The following IL17RE variants were observed in gnomAD, a reference collection of about 807,000 sequenced individuals.
IL17RE encodes interleukin-17 receptor E.
IL17RE carries 47 observed loss-of-function variants against 70.7 expected under a neutral mutation model. That is an observed-to-expected ratio of 0.67 (90% CI 0.53 to 0.85). IL17RE has a LOEUF of 0.85. Among genes scored for constraint, IL17RE ranks in the 40% least tolerant of loss-of-function variants. The probability of loss-of-function intolerance (pLI) is 0.00; values close to 1 mark genes in which losing one functional copy is unlikely to be tolerated. For synonymous variants in IL17RE, 372 were observed against 381.2 expected, an observed-to-expected ratio of 0.98 and a Z score of 0.28; for missense variants, 850 against 893.9, an observed-to-expected ratio of 0.95 and a Z score of 0.63.
intron 8 of IL17RE, 123 bp from the exon 9 acceptor site, chr3:9,910,742 T>G: frequency 1.3e-6 from 1 of 752,658 alleles, no homozygotes; most frequent in Non-Finnish European, 2.2e-6. Flanking sequence ...TAGTACCTGT[T>G]CTGGCCAGGA....
chr3:9,913,692 C>A (rs2082945581), intron 12 of IL17RE, among the ~76,000 whole-genome samples: 1 of 152,242 alleles, frequency 6.6e-6, no homozygotes, highest in Non-Finnish European at 1.5e-5. Context: ...TCCGCACCCG[C>A]CTTCTTTCCT....
Position 9,915,481 on chromosome 3 carries a change from A to G in IL17RE, c.1678A>G (p.Ser560Gly). Residue 560 changes from serine to glycine, a missense_variant, in exon 16 of 16, where the codon AGC becomes GGC. Coordinates refer to ENST00000383814, the MANE Select transcript of IL17RE (RefSeq NM_153480.2). This position sits in a 1 kb window ranked among gnomAD's most constrained non-coding sequence, Gnocchi z 4.9. ...REQGTVLLLW[S>G]GADLRPVSGP... ...GCAGGGCACTGTGCTGCTGCTGTGG[A>G]GCGGCGCCGACCTTCGCCCGGTCAG... 7.5e-7 allele frequency: 1 copy of G among 1,326,156 alleles called. No individual in the cohort carries two copies. The highest frequency in any genetic ancestry group is 2.1e-5 in the South Asian group (1 of 47,442). The allele number at this position is 1,326,156 out of a possible 1,614,324, so 82.1% of individuals were successfully genotyped here. A position where few individuals can be genotyped will look rare whatever the true frequency, so the allele number is the denominator to read the frequency against.
chr3:9,914,942 A>G (rs572479692), intron 15 of IL17RE, among the ~76,000 whole-genome samples, 165 bp downstream of exon 15: 4 of 152,192 alleles, frequency 2.6e-5, no homozygotes, highest in Non-Finnish European at 5.9e-5. Flanking sequence ...GGCAAGGCAA[A>G]GGGCCCTCTG....
intron 7 of IL17RE, 87 bp downstream of exon 7, chr3:9,908,394 A>C: frequency 8.5e-7 from 1 of 1,172,728 alleles, no homozygotes; most frequent in Non-Finnish European, 1.3e-6. Context: ...TCTCCAGTAA[A>C]TTGGGTTTAA....
chr3:9,909,808 AG>A (rs2125084264), intron 8 of IL17RE: 1 of 154,206 alleles, frequency 6.5e-6, no homozygotes, highest in African/African-American at 2.4e-5. Context: ...CTTACAGGGC[AG>A]GGTTATGGTT....
At position 9,915,956 on chromosome 3, in the gene IL17RE, A is replaced by C; in HGVS notation, c.*149A>C. 7.7e-7 allele frequency: 1 copy of C among 1,301,608 alleles called. No individual in the cohort carries two copies. The allele number at this position is 1,301,608 out of a possible 1,614,324, so 80.6% of individuals were successfully genotyped here. A position where few individuals can be genotyped will look rare whatever the true frequency, so the allele number is the denominator to read the frequency against. ...CGCATTCCCTGCCTCACAGGCCGGA[A>C]GTCCCAGCCCAGTCCCCGCGCGCGT... On this transcript the variant is annotated 3_prime_UTR_variant, in exon 16 of 16. Coordinates refer to ENST00000383814, the MANE Select transcript of IL17RE (RefSeq NM_153480.2). This position sits in a 1 kb window ranked among gnomAD's most constrained non-coding sequence, Gnocchi z 4.9.
chr3:9,902,706 G>A (rs915311478), upstream of IL17RE: 48 of 1,535,642 alleles, frequency 3.1e-5, no homozygotes, highest in Non-Finnish European at 3.9e-5. Context: ...GGGGGCAGTA[G>A]GGTTTTTGGG....
rs776268776 is a variant in IL17RE at position 9,911,426 on chromosome 3, C to T, written c.1073-17C>T. On this transcript the variant is annotated splice_polypyrimidine_tract_variant and intron_variant, in intron 11 of 15. Transcript: ENST00000383814. ...AAAGCCCAACTCCTATCAACACCCC[C>T]ACCCCGCCCCAAACAGGGTCTCTCA... 8 of 1,613,606 alleles carry T rather than the reference C, an allele frequency of 5.0e-6. No homozygotes were observed. The East Asian group carries it at 1.6e-4, about 31-fold the overall frequency.
intron 7 of IL17RE, among the ~76,000 whole-genome samples, chr3:9,908,959 C>T (rs2082824042): frequency 6.6e-6 from 1 of 152,086 alleles, no homozygotes; most frequent in Non-Finnish European, 1.5e-5. Flanking sequence ...AATGCGACCT[C>T]AGGATTTCCT....
chr3:9,911,333 C>T (rs755053911), intron 11 of IL17RE, 33 bp downstream of exon 11: 2 of 1,613,868 alleles, frequency 1.2e-6, no homozygotes, highest in South Asian at 1.1e-5. Flanking sequence ...CTGGGACCCC[C>T]TGCCCCATTT....
chr3:9,902,694 T>G, upstream of IL17RE: 1 of 1,535,824 alleles, frequency 6.5e-7, no homozygotes, highest in Non-Finnish European at 8.7e-7. Flanking sequence ...GTCTTTCAGG[T>G]GGGGGGCAGT....
chr3:9,915,836 T>C lies in IL17RE; in HGVS notation c.*29T>C. On this transcript the variant is annotated 3_prime_UTR_variant, in exon 16 of 16. Coordinates refer to ENST00000383814, the MANE Select transcript of IL17RE (RefSeq NM_153480.2). This position sits in a 1 kb window ranked among gnomAD's most constrained non-coding sequence, Gnocchi z 4.9. ...GAGCTCCACCGCAGTCCCGGGTGTC[T>C]GCGGCCGCAACGCAACGGACACTGG... 1 of 1,474,992 alleles carries C rather than the reference T, an allele frequency of 6.8e-7. No individual in the cohort carries two copies. Among genetic ancestry groups the C allele is most frequent in the Non-Finnish European group, 8.9e-7 (1 of 1,127,322 alleles). 91.4% of individuals were successfully genotyped at this position (1,474,992 alleles called of 1,614,324 possible).
Position 9,914,604 on chromosome 3 carries a change from G to C in IL17RE, c.1348+5G>C. 1 of 1,613,916 alleles carries C rather than the reference G, an allele frequency of 6.2e-7. No homozygotes were observed. The highest frequency in any genetic ancestry group is 8.5e-7 in the Non-Finnish European group (1 of 1,179,824). On this transcript the variant is annotated splice_donor_5th_base_variant and intron_variant, in intron 14 of 15. Coordinates refer to ENST00000383814, the MANE Select transcript of IL17RE (RefSeq NM_153480.2). ...AGCACCTCTTGTGTCCGGATGGTGA[G>C]TTCTTGGGGAGGGGGAGGTAAGAGG...
chr3:9,915,440 C>CGCGCGTA lies in IL17RE; in HGVS notation c.1643_1649dup (p.Glu551SerfsTer144). ...CTGCCGTGGCTCTGGGCGGCGCGGA[C>CGCGCGTA]GCGCGTAGCGCGGGAGCAGGGCACT... On this transcript the variant is annotated frameshift_variant, in exon 16 of 16. Coordinates refer to ENST00000383814, the MANE Select transcript of IL17RE (RefSeq NM_153480.2). LOFTEE classifies it low-confidence loss of function (END_TRUNC). The surrounding 1 kb of genome is among the most constrained non-coding windows in gnomAD (Gnocchi z 4.9). 1 of 1,351,830 alleles carries CGCGCGTA rather than the reference C, an allele frequency of 7.4e-7. No individual in the cohort carries two copies. Among genetic ancestry groups the CGCGCGTA allele is most frequent in the Non-Finnish European group, 9.4e-7 (1 of 1,060,454 alleles). 83.7% of individuals were successfully genotyped at this position (1,351,830 alleles called of 1,614,324 possible). A position where few individuals can be genotyped will look rare whatever the true frequency, so the allele number is the denominator to read the frequency against.
At chr3:9,903,219 T>C (rs2082677208) in intron 1 of IL17RE, 155 bp downstream of exon 1, 2 of 953,214 alleles carry the variant, frequency 2.1e-6, no homozygotes, top group Non-Finnish European at 1.6e-6. Flanking sequence ...CAAGGTCCTT[T>C]GTGCTGAGGG....
In IL17RE at chr3:9,911,607, C is replaced by T. The variant is rs761150144; in HGVS notation, c.1227+10C>T. On this transcript the variant is annotated intron_variant, in intron 12 of 15. Coordinates refer to ENST00000383814, the MANE Select transcript of IL17RE (RefSeq NM_153480.2). ...GTACACTGTCAGCCAGGTATGGCCT[C>T]GCCCCCACTAGGTCCTATTGCTCAG... 2.1e-5 allele frequency: 33 copies of T among 1,608,012 alleles called. No individual in the cohort carries two copies. The African/African-American group carries it at 2.1e-4, about 10-fold the overall frequency.
intron 3 of IL17RE, 75 bp from the exon 4 acceptor site, chr3:9,906,289 C>T (rs2082753878): frequency 1.5e-6 from 1 of 673,552 alleles, no homozygotes; most frequent in East Asian, 2.7e-5. Flanking sequence ...AAATTACTTA[C>T]TAACACTGGG....
At chr3:9,912,335 G>C (rs1236080224) in intron 12 of IL17RE, among the ~76,000 whole-genome samples, 1 of 152,030 alleles carries the variant, frequency 6.6e-6, no homozygotes, top group Non-Finnish European at 1.5e-5. Flanking sequence ...TAGCCTAACA[G>C]AACAACATTT....
chr3:9,914,466 CT>C, intron 13 of IL17RE, 81 bp from the exon 14 acceptor site: 1 of 1,581,976 alleles, frequency 6.3e-7, no homozygotes, highest in Non-Finnish European at 8.6e-7. Context: ...GGACTCCCCT[CT>C]CCCCCAGCTC....
Sources: gnomAD v4.1 joint callset for allele counts (sites outside exome capture counted in the v4.1 genomes callset) on GRCh38, gnomAD v4.1.1 for gene constraint, Gnocchi (gnomAD v3.1) non-coding constraint, MANE v1.5 for transcripts, NCBI Gene and HGNC (gene_info 2026-07-23, HGNC 2026-07-21) for gene names.